The following CDH12 variants were observed in gnomAD, a reference collection of about 807,000 sequenced individuals.
CDH12 encodes cadherin 12.
Under a neutral mutation model 74.1 loss-of-function variants are expected in CDH12, and 41 were observed. The ratio of observed to expected loss-of-function variants is 0.55; its 90% CI spans 0.43 to 0.72. CDH12 has a LOEUF of 0.72. Ranked by LOEUF, CDH12 falls within the 30% of genes least tolerant of loss-of-function variation. The probability of loss-of-function intolerance (pLI) is 0.00; values close to 1 mark genes in which losing one functional copy is unlikely to be tolerated. For synonymous variants in CDH12, 399 were observed against 355.0 expected (o/e 1.12, Z -1.39); for missense variants, 945 against 977.2 (o/e 0.97, Z 0.44).
At chr5:22,062,984 G>A (rs887633728) in intron 5 of CDH12, among the ~76,000 whole-genome samples, 1 of 151,914 alleles carries the variant, frequency 6.6e-6, no homozygotes, top group Non-Finnish European at 1.5e-5. Context: ...ACCAAATAAA[G>A]GAATGAACAA....
chr5:21,845,822 G>T (rs1750136314), intron 7 of CDH12, among the ~76,000 whole-genome samples: 1 of 150,048 alleles, frequency 6.7e-6, no homozygotes, highest in South Asian at 2.1e-4. Context: ...TAGGCAGATA[G>T]TAAGAGTAAA....
At chr5:22,398,557 G>A (rs368472213) in intron 3 of CDH12, among the ~76,000 whole-genome samples, 71 of 152,132 alleles carry the variant, frequency 4.7e-4, no homozygotes, top group South Asian at 2.3e-3. Context: ...GGTCTGGACC[G>A]CCCAAGCAAT....
intron 4 of CDH12, among the ~76,000 whole-genome samples, chr5:22,197,269 C>G (rs888267683): frequency 4.6e-5 from 7 of 151,728 alleles, no homozygotes; most frequent in African/African-American, 1.5e-4. Context: ...ACAGTGAAAC[C>G]CTGTCTCTAC....
chr5:22,244,244 C>G (rs936027185), intron 3 of CDH12, among the ~76,000 whole-genome samples: 1 of 152,048 alleles, frequency 6.6e-6, no homozygotes, highest in Non-Finnish European at 1.5e-5. Context: ...AATCCCAACA[C>G]TTTGGGAGGC....
At chr5:22,184,390 T>C (rs982330135) in intron 4 of CDH12, among the ~76,000 whole-genome samples, 7 of 152,200 alleles carry the variant, frequency 4.6e-5, no homozygotes, top group African/African-American at 1.4e-4. Context: ...ACAACATTTT[T>C]TCCCCTGAGG....
intron 4 of CDH12, among the ~76,000 whole-genome samples, chr5:22,095,826 C>T (rs953312983): frequency 6.6e-6 from 1 of 151,694 alleles, no homozygotes; most frequent in Non-Finnish European, 1.5e-5. Context: ...TACTTCCATG[C>T]CCCAACCTCT....
At chr5:22,827,045 G>A (rs370761796) in intron 1 of CDH12, among the ~76,000 whole-genome samples, 42 of 152,270 alleles carry the variant, frequency 2.8e-4, no homozygotes, top group African/African-American at 6.3e-4. Flanking sequence ...AGCCCCTCCC[G>A]TTACAGGCCC....
intron 2 of CDH12, among the ~76,000 whole-genome samples, chr5:22,473,338 GT>G (rs1310973522): frequency 2.0e-5 from 3 of 152,010 alleles, no homozygotes; most frequent in Admixed American, 6.6e-5. Context: ...CACACTACAT[GT>G]ATTAAATATT....
chr5:21,880,535 T>TTTCCTTTCTTCCTTCC (rs1752208550), intron 6 of CDH12, among the ~76,000 whole-genome samples: 1 of 31,300 alleles, frequency 3.2e-5, no homozygotes. Flanking sequence ...TCTTCCTTCT[T>TTTCCTTTCTTCCTTCC]TTCCTTCCTT....
At chr5:21,930,504 T>A (rs1008740492) in intron 6 of CDH12, among the ~76,000 whole-genome samples, 1 of 152,200 alleles carries the variant, frequency 6.6e-6, no homozygotes, top group Non-Finnish European at 1.5e-5. Flanking sequence ...TAGGTCACAT[T>A]ATCCTAGCTT....
At chr5:21,999,216 A>G (rs1242540859) in intron 5 of CDH12, among the ~76,000 whole-genome samples, 2 of 152,170 alleles carry the variant, frequency 1.3e-5, no homozygotes, top group Non-Finnish European at 2.9e-5. Context: ...ATTATTCATC[A>G]TGAGAGAATT....
intron 4 of CDH12, among the ~76,000 whole-genome samples, chr5:22,199,971 TG>T (rs1282615078): frequency 2.6e-5 from 4 of 152,206 alleles, no homozygotes; most frequent in African/African-American, 9.6e-5. Context: ...ACCCAAACTG[TG>T]TTTCTGCAAG....
chr5:22,129,024 G>A (rs1346718874), intron 4 of CDH12, among the ~76,000 whole-genome samples: 1 of 152,194 alleles, frequency 6.6e-6, no homozygotes, highest in African/African-American at 2.4e-5. Context: ...AAGTTGCTAA[G>A]TGACAAGTGA....
At chr5:22,032,936 A>C (rs1738923343) in intron 5 of CDH12, among the ~76,000 whole-genome samples, 1 of 151,216 alleles carries the variant, frequency 6.6e-6, no homozygotes. Flanking sequence ...GGGACAGAGG[A>C]GAACAGACTG....
intron 5 of CDH12, among the ~76,000 whole-genome samples, chr5:22,004,128 C>T (rs577987150): frequency 6.6e-6 from 1 of 152,124 alleles, no homozygotes. Context: ...ACGCATTAAA[C>T]CTCAGTCCAT....
chr5:22,593,759 T>A (rs1322675797), intron 1 of CDH12, among the ~76,000 whole-genome samples: 1 of 152,300 alleles, frequency 6.6e-6, no homozygotes, highest in East Asian at 1.9e-4. Flanking sequence ...TAGCTCCAAG[T>A]GTACAGATAA....
At chr5:22,563,923 T>G (rs969373436) in intron 1 of CDH12, among the ~76,000 whole-genome samples, 2 of 152,082 alleles carry the variant, frequency 1.3e-5, no homozygotes, top group Non-Finnish European at 2.9e-5. Flanking sequence ...CCTACCCCCA[T>G]GATTCAAGCA....
At chr5:22,456,241 T>TAC (rs1580667785) in intron 2 of CDH12, among the ~76,000 whole-genome samples, 1 of 81,750 alleles carries the variant, frequency 1.2e-5, no homozygotes, top group Non-Finnish European at 2.5e-5. Context: ...TTTGTCTATA[T>TAC]ATATGTGTGT....
At chr5:22,509,626 G>A (rs1736520829) in intron 1 of CDH12, among the ~76,000 whole-genome samples, 1 of 152,162 alleles carries the variant, frequency 6.6e-6, no homozygotes, top group Non-Finnish European at 1.5e-5. Flanking sequence ...TGGGTCGCTT[G>A]AAGGAAGGAA....
Sources: allele counts gnomAD v4.1 joint callset (sites outside exome capture counted in the v4.1 genomes callset), GRCh38; gene constraint gnomAD v4.1.1; transcripts MANE v1.5; gene names NCBI Gene and HGNC (gene_info 2026-07-23, HGNC 2026-07-21).